Variants in VAV3 observed in about 807,000 individuals in gnomAD.
VAV3 encodes guanine nucleotide exchange factor VAV3.
Under a neutral mutation model 131.2 loss-of-function variants are expected in VAV3, and 94 were observed. The observed-to-expected ratio is 0.72, with a 90% CI of 0.61 to 0.85. The LOEUF is 0.85. Among genes scored for constraint, VAV3 ranks in the 40% least tolerant of loss-of-function variants. The probability of loss-of-function intolerance (pLI) is 0.00; values close to 1 mark genes in which losing one functional copy is unlikely to be tolerated. For missense variants in VAV3, 939 were observed against 1,002.7 expected (o/e 0.94, Z 0.86); for synonymous variants, 349 against 342.0 (o/e 1.02, Z -0.22).
intron 15 of VAV3, among the ~76,000 whole-genome samples, chr1:107,737,339 G>A (rs1055571226): frequency 1.3e-5 from 2 of 152,138 alleles, no homozygotes; most frequent in African/African-American, 4.8e-5. Context: ...GGCAACAAAA[G>A]CCAAAATTGA....
chr1:107,783,569 C>T (rs1012656358), intron 2 of VAV3, among the ~76,000 whole-genome samples: 3 of 152,104 alleles, frequency 2.0e-5, no homozygotes, highest in African/African-American at 7.2e-5. Context: ...AGCAAGAAGC[C>T]CTTGTTCTCT....
chr1:107,749,870 G>A (rs546758326), intron 13 of VAV3, among the ~76,000 whole-genome samples: 1 of 152,106 alleles, frequency 6.6e-6, no homozygotes, highest in African/African-American at 2.4e-5. Context: ...TTGTTGAAAG[G>A]GCCAAGTGAG....
rs530916847 is a variant in VAV3 at position 107,928,041 on chromosome 1, C to T, written c.204+36625G>A. On this transcript the variant is annotated intron_variant, in intron 1 of 26. Transcript: ENST00000370056. ...CCAGAGGGGTGCTTGTGTCACTCCACCCCCAGCTCCAGGTGGCTCAGAACA... is the reference window on the plus strand; with the variant it reads ...CCAGAGGGGTGCTTGTGTCACTCCATCCCCAGCTCCAGGTGGCTCAGAACA... Among the ~76,000 whole-genome samples, 6 of 152,198 alleles carry T rather than the reference C, an allele frequency of 3.9e-5. No individual in the cohort carries two copies. In the South Asian group the frequency reaches 6.2e-4, roughly 16 times the overall value.
chr1:107,702,795 CA>C (rs11312777), intron 17 of VAV3, among the ~76,000 whole-genome samples: 22,505 of 137,340 alleles, frequency 0.16, 1,609 homozygotes, highest in South Asian at 0.27. Context: ...CCACGTCTTT[CA>C]AAAAAAAAAA....
At chr1:107,757,037 T>TAA (rs59567980) in intron 11 of VAV3, among the ~76,000 whole-genome samples, 51 of 144,930 alleles carry the variant, frequency 3.5e-4, no homozygotes, top group African/African-American at 8.3e-4. Flanking sequence ...ACTATTCCAG[T>TAA]AAAAAAAAAA....
rs188770345 is a variant in VAV3, at chr1:107,860,345, C to T, written c.321+14556G>A. Among the ~76,000 whole-genome samples the T allele has an allele frequency of 2.6e-5, 4 of 151,872 alleles. No homozygotes were observed. In the East Asian group the frequency reaches 5.8e-4, roughly 22 times the overall value. On this transcript the variant is annotated intron_variant, in intron 2 of 26. Coordinates refer to ENST00000370056, the MANE Select transcript of VAV3 (RefSeq NM_006113.5). The stretch of plus-strand genomic sequence containing the variant: ...AATTTTTCAATAGTAGATATATGAG[C>T]GGTGATTGTAGTAGTTTTCTAGGTT...
intron 17 of VAV3, among the ~76,000 whole-genome samples, chr1:107,698,378 G>A (rs1282017408): frequency 1.3e-5 from 2 of 152,190 alleles, no homozygotes; most frequent in Non-Finnish European, 2.9e-5. Flanking sequence ...ACAAGGGGAA[G>A]CAAACAATAC....
chr1:107,919,886 AT>A (rs1374017923), intron 1 of VAV3, among the ~76,000 whole-genome samples: 1 of 152,104 alleles, frequency 6.6e-6, no homozygotes, highest in Non-Finnish European at 1.5e-5. Flanking sequence ...CATAAAAAAC[AT>A]TACCTTAATA....
chr1:107,592,073 G>GTT (rs1302576578), intron 25 of VAV3, among the ~76,000 whole-genome samples: 34 of 151,874 alleles, frequency 2.2e-4, no homozygotes, highest in Non-Finnish European at 3.2e-4. Context: ...GTGTGTGTGT[G>GTT]TGTGTATGTA....
intron 1 of VAV3, among the ~76,000 whole-genome samples, chr1:107,877,510 A>G (rs1183308506): frequency 6.6e-6 from 1 of 152,192 alleles, no homozygotes; most frequent in Admixed American, 6.5e-5. Context: ...ACTAAAAGTT[A>G]AAACAATATG....
chr1:107,675,586 C>T (rs537818292), intron 19 of VAV3, among the ~76,000 whole-genome samples: 77 of 152,174 alleles, frequency 5.1e-4, no homozygotes, highest in African/African-American at 1.7e-3. Flanking sequence ...CCTTTATTGC[C>T]GTGAAGCAGG....
intron 19 of VAV3, among the ~76,000 whole-genome samples, chr1:107,659,100 T>G (rs1656809159): frequency 6.6e-6 from 1 of 152,134 alleles, no homozygotes; most frequent in South Asian, 2.1e-4. Flanking sequence ...ATGTAAGTCT[T>G]TAATCCATCT....
At chr1:107,863,284 G>A (rs1172701146) in intron 2 of VAV3, among the ~76,000 whole-genome samples, 1 of 152,022 alleles carries the variant, frequency 6.6e-6, no homozygotes, top group Non-Finnish European at 1.5e-5. Context: ...TTTTACAGTT[G>A]CTCTAGTAAA....
chr1:107,865,106 T>C (rs1557889419), intron 2 of VAV3, among the ~76,000 whole-genome samples: 4 of 152,184 alleles, frequency 2.6e-5, no homozygotes, highest in Non-Finnish European at 5.9e-5. Context: ...ATGAAGGCTC[T>C]GAGAGGCTGA....
At position 107,574,140 on chromosome 1, in the gene VAV3, A is replaced by T; in HGVS notation, c.2409T>A (p.Asp803Glu). The change falls in exon 26 of 27, where the codon GAT (aspartate) becomes GAA (glutamate). Residue 803 changes from aspartate to glutamate, a missense_variant. Transcript: ENST00000370056. Reference protein sequence around the residue: ...AIARYDFCARDMRELSLLKGD... With the variant: ...AIARYDFCAREMRELSLLKGD... ...CTTTCAACAAGGACAACTCTCTCAT[A>T]TCTCTTGCACAGAAGTCATACCGAG... 6.2e-7 allele frequency: 1 copy of T among 1,614,064 alleles called. No homozygotes were observed. The highest frequency in any genetic ancestry group is 2.2e-5 in the East Asian group (1 of 44,880).
intron 3 of VAV3, among the ~76,000 whole-genome samples, chr1:107,778,418 T>C (rs1195566859): frequency 6.6e-6 from 1 of 152,102 alleles, no homozygotes; most frequent in African/African-American, 2.4e-5. Context: ...AATCTTTACA[T>C]ATAATAACAT....
chr1:107,944,181 T>C (rs1674135197), intron 1 of VAV3, among the ~76,000 whole-genome samples: 1 of 152,186 alleles, frequency 6.6e-6, no homozygotes, highest in Non-Finnish European at 1.5e-5. Flanking sequence ...AAACTTAACA[T>C]ATATTGGAAA....
chr1:107,873,348 AAAAT>A (rs1307053145), intron 2 of VAV3, among the ~76,000 whole-genome samples: 1 of 152,176 alleles, frequency 6.6e-6, no homozygotes, highest in Non-Finnish European at 1.5e-5. Context: ...ACTTAAATGA[AAAAT>A]AAATAGTTCC....
chr1:107,714,940 T>G (rs138152504), intron 15 of VAV3, among the ~76,000 whole-genome samples: 14 of 152,308 alleles, frequency 9.2e-5, no homozygotes, highest in African/African-American at 3.4e-4. Context: ...TAAATATACA[T>G]CTGTCACTGC....
Sources: allele counts gnomAD v4.1 joint callset (sites outside exome capture counted in the v4.1 genomes callset), GRCh38; gene constraint gnomAD v4.1.1; transcripts MANE v1.5; gene names NCBI Gene and HGNC (gene_info 2026-07-23, HGNC 2026-07-21).